The following TNK2 variants were observed in gnomAD, a reference collection of about 807,000 sequenced individuals.
The protein encoded by TNK2 is activated CDC42 kinase 1.
TNK2 carries 83 observed loss-of-function variants against 101.8 expected under a neutral mutation model. The observed-to-expected ratio is 0.82, with a 90% CI of 0.68 to 0.98. The LOEUF (loss-of-function observed/expected upper bound fraction) is 0.98. Among genes scored for constraint, TNK2 ranks in the 50% least tolerant of loss-of-function variants. The pLI is 0.00. For synonymous variants in TNK2, 804 were observed against 633.0 expected, an observed-to-expected ratio of 1.27 and a Z score of -4.06; for missense variants, 1,665 against 1,483.2, an observed-to-expected ratio of 1.12 and a Z score of -2.01.
rs746278409 is a variant in TNK2 at position 195,884,906 on chromosome 3, A to G, written c.362T>C (p.Ile121Thr). The change falls in exon 4 of 16, where the codon ATT becomes ACT. Residue 121 changes from isoleucine (I) to threonine (T), a missense_variant. By Grantham distance (89) the Ile-to-Thr change is moderately conservative (BLOSUM62 -1). Transcript: ENST00000672887. ...CAGGAGGCGCAGGTCCTTCTCCCCA[A>G]TGAGGCAGGTGAGGCTCTGCAGGGG... ...EGPLQSLTCL[I>T]GEKDLRLLEK... 2.0e-5 allele frequency: 32 copies of G among 1,613,872 alleles called. No individual in the cohort carries two copies. Among genetic ancestry groups the G allele is most frequent in the East Asian group, 6.7e-5 (3 of 44,876 alleles).
rs35759128 is a variant in TNK2 at position 195,870,138 on chromosome 3, G to A, written c.1519C>T (p.Pro507Ser). The part of the protein sequence containing the change: ...LSVELSTSRP[P>S]QHLGGVKREP... ...CTTTTCACCCCTCCTAGATGCTGGG[G>A]GGGCCGGGAGGTGCTCAGTTCCACG... Residue 507 changes from proline (P) to serine (S), a missense_variant, in exon 11 of 16, where the codon CCC becomes TCC. By Grantham distance (74) the Pro-to-Ser change is moderately conservative. This residue lies in a region of TNK2 where 1,136 missense variants were observed against 894.9 expected (regional missense o/e 1.27). Coordinates refer to ENST00000672887, the MANE Select transcript of TNK2 (RefSeq NM_001382273.1). 1,993 of 1,473,858 alleles carry A rather than the reference G, an allele frequency of 1.4e-3. 3 individuals carry two copies. Among genetic ancestry groups the A allele is most frequent in the Non-Finnish European group, 1.6e-3 (1,808 of 1,106,524 alleles). 91.3% of individuals were successfully genotyped at this position (1,473,858 alleles called of 1,614,324 possible).
chr3:195,867,728 G>T lies in TNK2; in HGVS notation c.2570C>A (p.Pro857His). ...VIQAPGPRAG[P>H]CILPIVRDGK... The stretch of plus-strand genomic sequence containing the variant: ...ATCCCGGACGATGGGCAGGATGCAG[G>T]GACCAGCCCGCGGGCCAGGGGCCTG... The change falls in exon 13 of 16, where the codon CCC becomes CAC. Residue 857 changes from proline (P) to histidine (H), a missense_variant. Coordinates refer to ENST00000672887, the MANE Select transcript of TNK2 (RefSeq NM_001382273.1). 1 of 1,604,568 alleles carries T rather than the reference G, an allele frequency of 6.2e-7. No homozygotes were observed. The highest frequency in any genetic ancestry group is 8.5e-7 in the Non-Finnish European group (1 of 1,176,568).
chr3:195,881,964 AG>A, intron 6 of TNK2, 86 bp downstream of exon 6: 1 of 1,488,156 alleles, frequency 6.7e-7, no homozygotes, highest in Non-Finnish European at 9.1e-7. Context: ...AAGCAAAACC[AG>A]GGGCTGTGGT....
chr3:195,877,057 G>A (rs1560502303), intron 9 of TNK2, among the ~76,000 whole-genome samples: 1 of 152,184 alleles, frequency 6.6e-6, no homozygotes, highest in Admixed American at 6.5e-5. Flanking sequence ...GGCCCTGCCA[G>A]GTACTTCCAG....
rs539010628 is a variant in TNK2, at chr3:195,882,950, G to A, written c.609+207C>T. ...GTAACTCTCTTGACACTGAGCACCA[G>A]CAAAATCCAGAGACAGACCCGGACT... On this transcript the variant is annotated intron_variant, in intron 5 of 15. Coordinates refer to ENST00000672887, the MANE Select transcript of TNK2 (RefSeq NM_001382273.1). The surrounding 1 kb of genome is among the most constrained non-coding windows in gnomAD (Gnocchi z 4.2). 2.1e-4 allele frequency among the ~76,000 whole-genome samples: 32 copies of A among 152,250 alleles called. No homozygotes were observed. Among genetic ancestry groups the A allele is most frequent in the Non-Finnish European group, 4.3e-4 (29 of 68,012 alleles).
At chr3:195,881,768 G>C (rs537278977) in intron 6 of TNK2, among the ~76,000 whole-genome samples, 2 of 151,344 alleles carry the variant, frequency 1.3e-5, no homozygotes, top group South Asian at 4.2e-4. Context: ...CCCTTGGAGA[G>C]GACACAGCAT....
intron 1 of TNK2, among the ~76,000 whole-genome samples, chr3:195,889,103 T>C (rs750236163): frequency 2.6e-4 from 39 of 151,846 alleles, no homozygotes; most frequent in South Asian, 1.3e-3. Flanking sequence ...CTAAGCTAAG[T>C]TCCTCCCAGC....
intron 4 of TNK2, chr3:195,884,342 T>C (rs1439536003): frequency 2.6e-5 from 4 of 153,056 alleles, no homozygotes; most frequent in African/African-American, 7.2e-5. Flanking sequence ...ATAAATGTGC[T>C]TAGTTAAACC....
intron 1 of TNK2, chr3:195,895,310 A>C: frequency 6.3e-7 from 1 of 1,574,992 alleles, no homozygotes; most frequent in Non-Finnish European, 8.6e-7. Flanking sequence ...GGAGCCCCAA[A>C]TCCCAGCGGC....
At chr3:195,872,781 A>C in intron 9 of TNK2, 1 of 324,652 alleles carries the variant, frequency 3.1e-6, no homozygotes, top group Non-Finnish European at 5.7e-6. Flanking sequence ...TACCAGAAAG[A>C]TCCCAGCAGA....
chr3:195,881,596 G>A (rs1383694599), intron 6 of TNK2, among the ~76,000 whole-genome samples: 46 of 33,282 alleles, frequency 1.4e-3, no homozygotes, highest in Admixed American at 1.4e-3. Context: ...CCCCCCCAGC[G>A]ATGCCCCTTG....
rs773730264 is a variant in TNK2, at chr3:195,868,279, C to A, written c.2019G>T (p.Gly673=). 1.2e-6 allele frequency: 2 copies of A among 1,604,212 alleles called. No homozygotes were observed. Among genetic ancestry groups the A allele is most frequent in the Middle Eastern group, 1.7e-4 (1 of 6,058 alleles). ...GGCCCTGGCTGGGCCCGGCAGGGAC[C>A]CCCGCGCCCACGAGGGTGCTGTTGA... is the stretch of plus-strand genomic sequence containing the variant. ...CSINSTLVGA[G]VPAGPSQGQT... is the part of the protein sequence containing the mutation. Residue 673 remains glycine, a synonymous_variant, in exon 13 of 16, where the codon GGG becomes GGT. Transcript: ENST00000672887.
At chr3:195,877,676 CG>C (rs1159703030) in intron 9 of TNK2, among the ~76,000 whole-genome samples, 4 of 152,170 alleles carry the variant, frequency 2.6e-5, no homozygotes, top group Admixed American at 1.3e-4. Flanking sequence ...GCTAGAACTG[CG>C]GGGGCTCAGG....
In TNK2 at chr3:195,878,148, A is replaced by T. The variant is rs1750477908; in HGVS notation, c.1256+105T>A. Reference sequence around the variant, plus strand: ...GGTTCAGGCCCAACCGCCAGCCTGTATGTGGCCAAGGGAATCTTGGAGGCC... The same window carrying T: ...GGTTCAGGCCCAACCGCCAGCCTGTTTGTGGCCAAGGGAATCTTGGAGGCC... On this transcript the variant is annotated intron_variant, in intron 9 of 15. Transcript: ENST00000672887. The surrounding 1 kb of genome is among the most constrained non-coding windows in gnomAD (Gnocchi z 4.7). The T allele has an allele frequency of 8.1e-7, 1 of 1,228,208 alleles. No homozygotes were observed. The highest frequency in any genetic ancestry group is 1.5e-5 in the African/African-American group (1 of 67,480). The allele number at this position is 1,228,208 out of a possible 1,614,324, so 76.1% of individuals were successfully genotyped here.
chr3:195,907,652 G>T (rs541041977), intron 1 of TNK2, among the ~76,000 whole-genome samples: 1 of 152,202 alleles, frequency 6.6e-6, no homozygotes, highest in Admixed American at 6.5e-5. Context: ...GGCCACGAGG[G>T]AGTCAACAAG....
In TNK2 at chr3:195,868,547, G is replaced by GT. The variant is rs772172450; in HGVS notation, c.1750dup (p.Thr584AsnfsTer7). The GT allele has an allele frequency of 1.3e-6, 2 of 1,570,510 alleles. No individual in the cohort carries two copies. Among genetic ancestry groups the GT allele is most frequent in the Non-Finnish European group, 1.7e-6 (2 of 1,166,702 alleles). The stretch of plus-strand genomic sequence containing the variant: ...GGGCTCCTCACCGAAGTCGATGAGC[G>GT]TGACCTCAGCCCCGCTGCCTCGGCT... On this transcript the variant is annotated frameshift_variant, in exon 13 of 16. Coordinates refer to ENST00000672887, the MANE Select transcript of TNK2 (RefSeq NM_001382273.1). LOFTEE classifies it high-confidence loss of function.
intron 9 of TNK2, chr3:195,876,523 G>A (rs931300582): frequency 1.8e-5 from 8 of 456,596 alleles, no homozygotes; most frequent in African/African-American, 1.6e-4. Context: ...AGAAACAAGG[G>A]GGCAGAGTCA....
chr3:195,884,976 A>C lies in TNK2; in HGVS notation c.292T>G (p.Phe98Val), dbSNP rs1754956012. The change falls in exon 4 of 16, where the codon TTC becomes GTC. Residue 98 changes from phenylalanine to valine, a missense_variant. By Grantham distance (50) the Phe-to-Val change is conservative. Transcript: ENST00000672887. ...EFPPHHSQST[F>V]RKTSPAPGGP... ...CCAGGGGCGGGCGAGGTCTTCCGGAAGGTGCTCTGAGAGTGATGAGGTGGG... is the reference window on the plus strand; with the variant it reads ...CCAGGGGCGGGCGAGGTCTTCCGGACGGTGCTCTGAGAGTGATGAGGTGGG... 4 of 1,613,348 alleles carry C rather than the reference A, an allele frequency of 2.5e-6. No homozygotes were observed. In the African/African-American group the frequency reaches 4.0e-5, roughly 16 times the overall value.
At chr3:195,883,362 C>T (rs948685545) in intron 4 of TNK2, 53 bp from the exon 5 acceptor site, 39 of 1,599,762 alleles carry the variant, frequency 2.4e-5, no homozygotes, top group East Asian at 2.0e-4. Context: ...CCCAGACACG[C>T]GGAGCCAACC....
Sources: gnomAD v4.1 joint callset for allele counts (sites outside exome capture counted in the v4.1 genomes callset) on GRCh38, gnomAD v4.1.1 for gene constraint, gnomAD v4.1.1 regional missense constraint, Gnocchi (gnomAD v3.1) non-coding constraint, MANE v1.5 for transcripts, NCBI Gene and HGNC (gene_info 2026-07-23, HGNC 2026-07-21) for gene names.